The following HPSE2 variants were observed in gnomAD, a reference collection of about 807,000 sequenced individuals.
The protein encoded by HPSE2 is inactive heparanase-2.
In HPSE2, 38 loss-of-function variants were observed where a neutral mutation model predicts 60.5. The observed-to-expected ratio is 0.63, with a 90% CI of 0.48 to 0.82. The LOEUF is 0.82. Ranked by LOEUF, HPSE2 falls within the 40% of genes least tolerant of loss-of-function variation. The pLI is 0.00. For missense variants in HPSE2, 713 were observed against 740.4 expected, an observed-to-expected ratio of 0.96 and a Z score of 0.43; for synonymous variants, 295 against 293.2, an observed-to-expected ratio of 1.01 and a Z score of -0.06.
At chr10:99,155,820 T>A (rs2135815692) in intron 2 of HPSE2, among the ~76,000 whole-genome samples, 1 of 149,978 alleles carries the variant, frequency 6.7e-6, no homozygotes, top group South Asian at 2.1e-4. Context: ...CAGGAGCTGG[T>A]TTTTTGAAAG....
intron 2 of HPSE2, among the ~76,000 whole-genome samples, chr10:99,147,979 C>T (rs1224946588): frequency 6.6e-6 from 1 of 152,092 alleles, no homozygotes; most frequent in African/African-American, 2.4e-5. Flanking sequence ...ATGGGAAAGC[C>T]AGACCAAACA....
the HPSE2 span, among the ~76,000 whole-genome samples, chr10:99,298,538 G>A: frequency 6.6e-6 from 1 of 152,150 alleles, no homozygotes. Flanking sequence ...TGGCAATAAA[G>A]TTTGGGTTCA....
At chr10:99,187,914 A>T (rs181052528) in intron 2 of HPSE2, among the ~76,000 whole-genome samples, 361 of 152,328 alleles carry the variant, frequency 2.4e-3, no homozygotes, top group African/African-American at 6.8e-3. Context: ...ATAGAAACAC[A>T]TGTCCATGAA....
chr10:98,621,675 A>T (rs1328198537), intron 7 of HPSE2, among the ~76,000 whole-genome samples: 1 of 152,194 alleles, frequency 6.6e-6, no homozygotes, highest in African/African-American at 2.4e-5. Flanking sequence ...GTGTCTCAGA[A>T]CTGACCCCCA....
At chr10:98,960,717 T>G (rs1564692629) in intron 3 of HPSE2, among the ~76,000 whole-genome samples, 2 of 21,938 alleles carry the variant, frequency 9.1e-5, no homozygotes, top group East Asian at 2.2e-3. Flanking sequence ...TTTTTTTTTT[T>G]TTTGTTTTAT....
chr10:99,186,745 A>G (rs1848045845), intron 2 of HPSE2, among the ~76,000 whole-genome samples: 1 of 152,080 alleles, frequency 6.6e-6, no homozygotes, highest in African/African-American at 2.4e-5. Flanking sequence ...AAAAATATTA[A>G]AGAAAAGGCC....
At chr10:98,664,147 C>T (rs1947297419) in intron 6 of HPSE2, among the ~76,000 whole-genome samples, 1 of 152,154 alleles carries the variant, frequency 6.6e-6, no homozygotes, top group Admixed American at 6.5e-5. Context: ...CTCTACCCAT[C>T]TCAGCTGCTC....
intron 2 of HPSE2, among the ~76,000 whole-genome samples, chr10:99,145,381 A>C (rs368971010): frequency 0.11 from 15,575 of 148,156 alleles, 992 homozygotes; most frequent in Non-Finnish European, 0.15. Context: ...CACTTGAACC[A>C]GGAGGTGGAG....
chr10:98,488,764 A>C (rs375355243), intron 10 of HPSE2, among the ~76,000 whole-genome samples: 80 of 152,340 alleles, frequency 5.3e-4, no homozygotes, highest in African/African-American at 1.8e-3. Flanking sequence ...ACTCCAGGCC[A>C]AGGCCATAAA....
At chr10:98,511,824 G>A (rs746897418) in intron 9 of HPSE2, among the ~76,000 whole-genome samples, 3 of 152,162 alleles carry the variant, frequency 2.0e-5, no homozygotes, top group African/African-American at 4.8e-5. Context: ...GCACTGACAG[G>A]TCTTGCTGCA....
chr10:98,725,601 A>T (rs1949053078), intron 4 of HPSE2, among the ~76,000 whole-genome samples: 1 of 152,180 alleles, frequency 6.6e-6, no homozygotes, highest in Non-Finnish European at 1.5e-5. Context: ...TGTCTAAAAC[A>T]CCAAAAGCAA....
chr10:98,513,917 G>T (rs910391417), intron 9 of HPSE2, among the ~76,000 whole-genome samples: 1 of 152,070 alleles, frequency 6.6e-6, no homozygotes, highest in Non-Finnish European at 1.5e-5. Context: ...ATACCCAAAA[G>T]ACGTGAAAAG....
chr10:98,717,774 A>G (rs1019895106), intron 5 of HPSE2, among the ~76,000 whole-genome samples: 1 of 152,174 alleles, frequency 6.6e-6, no homozygotes, highest in Non-Finnish European at 1.5e-5. Context: ...TGTTGCAAGA[A>G]TTACCAAAAT....
intron 3 of HPSE2, among the ~76,000 whole-genome samples, chr10:99,094,534 A>ATTTTTTTTTTTTTT (rs1843638871): frequency 5.6e-5 from 1 of 17,776 alleles, no homozygotes; most frequent in African/African-American, 1.4e-4. Flanking sequence ...ATATATATAT[A>ATTTTTTTTTTTTTT]TATATATTTT....
At chr10:98,669,392 C>T (rs1159976594) in intron 6 of HPSE2, among the ~76,000 whole-genome samples, 1 of 152,126 alleles carries the variant, frequency 6.6e-6, no homozygotes, top group Non-Finnish European at 1.5e-5. Flanking sequence ...GGTATATACC[C>T]AAAGGAAAAT....
chr10:99,198,435 T>C (rs1056863616), intron 2 of HPSE2, among the ~76,000 whole-genome samples: 2 of 152,206 alleles, frequency 1.3e-5, no homozygotes, highest in Non-Finnish European at 2.9e-5. Flanking sequence ...CAGTAACTAC[T>C]GTATGATTCT....
chr10:98,500,962 T>C (rs1042633167), intron 9 of HPSE2, among the ~76,000 whole-genome samples: 11 of 151,982 alleles, frequency 7.2e-5, no homozygotes, highest in Non-Finnish European at 1.5e-4. Flanking sequence ...GGTGGATAAA[T>C]TCCTGGAAAA....
At chr10:98,815,288 A>C (rs1478095327) in intron 3 of HPSE2, among the ~76,000 whole-genome samples, 1 of 152,160 alleles carries the variant, frequency 6.6e-6, no homozygotes, top group Non-Finnish European at 1.5e-5. Flanking sequence ...CCTCGAAAAA[A>C]ATCAGTTTGA....
chr10:99,069,270 C>A (rs533154504), intron 3 of HPSE2, among the ~76,000 whole-genome samples: 1 of 152,172 alleles, frequency 6.6e-6, no homozygotes, highest in South Asian at 2.1e-4. Flanking sequence ...TAGAACCAAC[C>A]TGAATCTCAG....
Sources: allele counts gnomAD v4.1 joint callset (sites outside exome capture counted in the v4.1 genomes callset), GRCh38; gene constraint gnomAD v4.1.1; transcripts MANE v1.5; gene names NCBI Gene and HGNC (gene_info 2026-07-23, HGNC 2026-07-21).